IFFO2: variants seen among roughly 807,000 people sequenced by gnomAD.
The protein encoded by IFFO2 is intermediate filament family orphan 2.
A neutral mutation model predicts 53.5 loss-of-function variants in IFFO2; 19 were observed. That is an observed-to-expected ratio of 0.36 (90% CI 0.25 to 0.52). The LOEUF (loss-of-function observed/expected upper bound fraction) is 0.52, where lower values mean the gene tolerates loss of function less well. Ranked by LOEUF, IFFO2 falls within the 20% of genes least tolerant of loss-of-function variation. The pLI is 0.94. For synonymous variants in IFFO2, 303 were observed against 313.6 expected, an observed-to-expected ratio of 0.97 and a Z score of 0.36; for missense variants, 570 against 727.4, an observed-to-expected ratio of 0.78 and a Z score of 2.49.
chr1:18,942,417 G>A (rs1347626727), intron 1 of IFFO2, among the ~76,000 whole-genome samples: 1 of 152,110 alleles, frequency 6.6e-6, no homozygotes, highest in South Asian at 2.1e-4. Flanking sequence ...GCCAGGCCAG[G>A]GCAGGAGGGA....
Position 18,916,344 on chromosome 1 carries a change from A to G in IFFO2, c.1103+559T>C, listed in dbSNP as rs531450044. 6.6e-5 allele frequency among the ~76,000 whole-genome samples: 10 copies of G among 152,318 alleles called. No homozygotes were observed. Among genetic ancestry groups the G allele is most frequent in the Middle Eastern group, 3.4e-3 (1 of 294 alleles). On this transcript the variant is annotated intron_variant, in intron 5 of 8. Coordinates refer to ENST00000455833, the MANE Select transcript of IFFO2 (RefSeq NM_001136265.2). This position sits in a 1 kb window ranked among gnomAD's most constrained non-coding sequence, Gnocchi z 4.3. The stretch of plus-strand genomic sequence containing the variant: ...AAAGGATGCTGGCGAATGGAAGAGT[A>G]TGCGCCTGTCCAGATTCAGCAGCTG...
Position 18,928,115 on chromosome 1 carries a change from C to A in IFFO2, c.666-6994G>T, listed in dbSNP as rs761239829. Among the ~76,000 whole-genome samples the A allele has an allele frequency of 6.6e-6, 1 of 152,174 alleles. No individual in the cohort carries two copies. Among genetic ancestry groups the A allele is most frequent in the Non-Finnish European group, 1.5e-5 (1 of 68,036 alleles). The stretch of plus-strand genomic sequence containing the variant: ...TCTCCCACATGGCACGCTGCAAGCC[C>A]GTCTTCTCCCCCGAAAATGGACAGC... On this transcript the variant is annotated intron_variant, in intron 1 of 8. Transcript: ENST00000455833. The surrounding 1 kb of genome is among the most constrained non-coding windows in gnomAD (Gnocchi z 4.9).
chr1:18,934,052 TATTTC>T (rs1327114569), intron 1 of IFFO2, among the ~76,000 whole-genome samples: 1 of 139,566 alleles, frequency 7.2e-6, no homozygotes, highest in East Asian at 2.0e-4. Flanking sequence ...TTATTTCTCT[TATTTC>T]TTTTTTTTTT....
Position 18,919,652 on chromosome 1 carries a change from A to G in IFFO2, c.822+26T>C. The G allele has an allele frequency of 6.6e-7, 1 of 1,508,500 alleles. No individual in the cohort carries two copies. 93.4% of individuals were successfully genotyped at this position (1,508,500 alleles called of 1,614,324 possible). ...TGATGGGTGTGGGGGAGGTCATGAC[A>G]CCCAGGGGCGGCGGGCGGCACTTAC... On this transcript the variant is annotated intron_variant, in intron 3 of 8. Coordinates refer to ENST00000455833, the MANE Select transcript of IFFO2 (RefSeq NM_001136265.2). The surrounding 1 kb of genome is among the most constrained non-coding windows in gnomAD (Gnocchi z 4.9).
At chr1:18,948,865 T>C (rs1031879836) in intron 1 of IFFO2, among the ~76,000 whole-genome samples, 12 of 152,236 alleles carry the variant, frequency 7.9e-5, no homozygotes, top group African/African-American at 2.9e-4. Flanking sequence ...TGAACTTGAC[T>C]GTTTACACGC....
chr1:18,913,865 C>T (rs1936086342), intron 5 of IFFO2, among the ~76,000 whole-genome samples: 2 of 152,182 alleles, frequency 1.3e-5, no homozygotes, highest in Non-Finnish European at 2.9e-5. Flanking sequence ...CGGAGTCTCG[C>T]TGTCGCCCAG....
chr1:18,935,507 CT>C (rs941663842), intron 1 of IFFO2, among the ~76,000 whole-genome samples: 1 of 152,058 alleles, frequency 6.6e-6, no homozygotes. Flanking sequence ...CTTTTCCTCT[CT>C]CTCTCCCTTA....
chr1:18,918,229 T>C lies in IFFO2; in HGVS notation c.963+133A>G. 1 of 808,420 alleles carries C rather than the reference T, an allele frequency of 1.2e-6. No homozygotes were observed. Among genetic ancestry groups the C allele is most frequent in the Non-Finnish European group, 2.0e-6 (1 of 508,012 alleles). 50.1% of individuals were successfully genotyped at this position (808,420 alleles called of 1,614,324 possible). On this transcript the variant is annotated intron_variant, in intron 4 of 8. Transcript: ENST00000455833. This position sits in a 1 kb window ranked among gnomAD's most constrained non-coding sequence, Gnocchi z 5.2. Reference sequence around the variant, plus strand: ...TTCCTGGGGAGGCCACAGGGTCAGGTAGTGCTACCTCTCGGGGAAGGGGAG... The same window carrying C: ...TTCCTGGGGAGGCCACAGGGTCAGGCAGTGCTACCTCTCGGGGAAGGGGAG...
chr1:18,944,425 C>A (rs538848811), intron 1 of IFFO2, among the ~76,000 whole-genome samples: 3 of 152,098 alleles, frequency 2.0e-5, no homozygotes, highest in Admixed American at 6.5e-5. Flanking sequence ...AGCCTCCCCC[C>A]AGCCCCAATT....
Position 18,918,565 on chromosome 1 carries a change from G to A in IFFO2, c.823-63C>T. On this transcript the variant is annotated intron_variant, in intron 3 of 8. Transcript: ENST00000455833. This position sits in a 1 kb window ranked among gnomAD's most constrained non-coding sequence, Gnocchi z 5.2. ...TGGAGCAAGCCTGGGGGGCTTGGCAGAGAGGTGGGGAGACCCCTAGGTGTC... is the reference window on the plus strand; with the variant it reads ...TGGAGCAAGCCTGGGGGGCTTGGCAAAGAGGTGGGGAGACCCCTAGGTGTC... The A allele has an allele frequency of 6.6e-7, 1 of 1,513,608 alleles. No individual in the cohort carries two copies. The highest frequency in any genetic ancestry group is 1.2e-5 in the South Asian group (1 of 82,544). The allele number at this position is 1,513,608 out of a possible 1,614,324, so 93.8% of individuals were successfully genotyped here. A position where few individuals can be genotyped will look rare whatever the true frequency, so the allele number is the denominator to read the frequency against.
chr1:18,913,693 G>A lies in IFFO2; in HGVS notation c.1104-1610C>T, dbSNP rs542840214. On this transcript the variant is annotated intron_variant, in intron 5 of 8. Transcript: ENST00000455833. ...CCTGGCTAGGGTCCTGCCCACAGCT[G>A]GTGGAGATGTCCATGGGAAAGGCCC... 2.0e-5 allele frequency among the ~76,000 whole-genome samples: 3 copies of A among 152,360 alleles called. No homozygotes were observed. The South Asian group carries it at 6.2e-4, about 32-fold the overall frequency.
chr1:18,939,654 G>C (rs17388046), intron 1 of IFFO2, among the ~76,000 whole-genome samples: 50,245 of 152,126 alleles, frequency 0.33, 9,742 homozygotes, highest in South Asian at 0.47. Flanking sequence ...AGTCTCTCAG[G>C]AAGTGGAGAA....
intron 1 of IFFO2, among the ~76,000 whole-genome samples, chr1:18,940,182 C>T (rs920831882): frequency 6.6e-6 from 1 of 152,114 alleles, no homozygotes; most frequent in Non-Finnish European, 1.5e-5. Flanking sequence ...CAGCAACTCC[C>T]GAAAAGCCAA....
At chr1:18,932,467 G>A (rs1936392739) in intron 1 of IFFO2, among the ~76,000 whole-genome samples, 1 of 152,220 alleles carries the variant, frequency 6.6e-6, no homozygotes, top group African/African-American at 2.4e-5. Context: ...GCCAGGAGGG[G>A]CAGAGGATCT....
chr1:18,945,466 C>G (rs903025202), intron 1 of IFFO2, among the ~76,000 whole-genome samples: 5 of 152,326 alleles, frequency 3.3e-5, no homozygotes, highest in African/African-American at 7.2e-5. Context: ...TTCCCCTCCC[C>G]CAAGACAGCA....
rs1465377768 is a variant in IFFO2 at position 18,919,124 on chromosome 1, G to A, written c.822+554C>T. Among the ~76,000 whole-genome samples the A allele has an allele frequency of 6.6e-6, 1 of 152,186 alleles. No homozygotes were observed. Among genetic ancestry groups the A allele is most frequent in the Non-Finnish European group, 1.5e-5 (1 of 68,028 alleles). On this transcript the variant is annotated intron_variant, in intron 3 of 8. Coordinates refer to ENST00000455833, the MANE Select transcript of IFFO2 (RefSeq NM_001136265.2). The surrounding 1 kb of genome is among the most constrained non-coding windows in gnomAD (Gnocchi z 4.9). ...CCCCTGTACTGCCCACTGTTTGAAGGGGAGGAGACCTGGGTCCCCAGCAGC... is the reference window on the plus strand; with the variant it reads ...CCCCTGTACTGCCCACTGTTTGAAGAGGAGGAGACCTGGGTCCCCAGCAGC...
At chr1:18,922,410 G>A (rs1422527229) in intron 1 of IFFO2, among the ~76,000 whole-genome samples, 2 of 152,278 alleles carry the variant, frequency 1.3e-5, no homozygotes, top group East Asian at 3.9e-4. Context: ...TGCTGTCAGG[G>A]CCAGCTAAAA....
At chr1:18,932,457 G>C (rs564748545) in intron 1 of IFFO2, among the ~76,000 whole-genome samples, 1 of 152,368 alleles carries the variant, frequency 6.6e-6, no homozygotes, top group East Asian at 1.9e-4. Context: ...AGACTGGGAT[G>C]CCAGGAGGGG....
chr1:18,929,957 C>T (rs1282099045), intron 1 of IFFO2, among the ~76,000 whole-genome samples: 2 of 152,206 alleles, frequency 1.3e-5, no homozygotes, highest in South Asian at 2.1e-4. Context: ...ACCACAAAGC[C>T]GCCTGACAAA....
Sources: allele counts gnomAD v4.1 joint callset (sites outside exome capture counted in the v4.1 genomes callset), GRCh38; gene constraint gnomAD v4.1.1; non-coding constraint Gnocchi (gnomAD v3.1); transcripts MANE v1.5; gene names NCBI Gene and HGNC (gene_info 2026-07-23, HGNC 2026-07-21).